PIP5K1A: variants seen among roughly 807,000 people sequenced by gnomAD.
PIP5K1A encodes phosphatidylinositol 4-phosphate 5-kinase type-1 alpha.
In PIP5K1A, 46 loss-of-function variants were observed where a neutral mutation model predicts 72.9. That is an observed-to-expected ratio of 0.63 (90% CI 0.50 to 0.81). PIP5K1A has a LOEUF of 0.81. PIP5K1A is among the 30% of genes least tolerant of loss of function. The probability of loss-of-function intolerance (pLI) is 0.00; values close to 1 mark genes in which losing one functional copy is unlikely to be tolerated. For synonymous variants in PIP5K1A, 228 were observed against 255.1 expected (o/e 0.89, Z 1.01); for missense variants, 458 against 706.1 (o/e 0.65, Z 3.98).
At chr1:151,244,985 G>T (rs1692284715) in intron 14 of PIP5K1A, among the ~76,000 whole-genome samples, 1 of 147,672 alleles carries the variant, frequency 6.8e-6, no homozygotes, top group Non-Finnish European at 1.5e-5. Flanking sequence ...TAACCAGGCT[G>T]GTCTTAAACA....
intron 1 of PIP5K1A, among the ~76,000 whole-genome samples, chr1:151,202,500 C>T (rs754474095): frequency 6.6e-6 from 1 of 152,180 alleles, no homozygotes; most frequent in Non-Finnish European, 1.5e-5. Context: ...TAGGTGGACT[C>T]TTGCTCTTGT....
chr1:151,242,073 A>T, intron 12 of PIP5K1A, 50 bp from the exon 13 acceptor site: 1 of 1,588,378 alleles, frequency 6.3e-7, no homozygotes, highest in Non-Finnish European at 8.6e-7. Flanking sequence ...ATGTCTTGGT[A>T]ATAGTTGCTA....
chr1:151,236,821 C>A (rs138564433), intron 9 of PIP5K1A, 58 bp downstream of exon 9: 159 of 495,940 alleles, frequency 3.2e-4, no homozygotes, highest in Middle Eastern at 6.1e-4. Flanking sequence ...CTTTTCTTTT[C>A]TTTTTTTTTT....
chr1:151,211,042 T>C (rs1248701655), intron 1 of PIP5K1A, among the ~76,000 whole-genome samples: 9 of 152,210 alleles, frequency 5.9e-5, no homozygotes, highest in Non-Finnish European at 1.0e-4. Context: ...TTTCAAACAT[T>C]AGAGTCAGTC....
At chr1:151,207,840 T>C (rs932170438) in intron 1 of PIP5K1A, among the ~76,000 whole-genome samples, 1 of 148,374 alleles carries the variant, frequency 6.7e-6, no homozygotes, top group African/African-American at 2.5e-5. Flanking sequence ...GCCATCAAGA[T>C]TAATCTTAAT....
intron 1 of PIP5K1A, among the ~76,000 whole-genome samples, chr1:151,219,850 C>CGTTTTT (rs1257084814): frequency 4.1e-5 from 4 of 97,870 alleles, no homozygotes; most frequent in African/African-American, 1.5e-4. Context: ...CATATTCTTT[C>CGTTTTT]CTTTTTTTTT....
chr1:151,236,293 G>A (rs1690847255), intron 8 of PIP5K1A, among the ~76,000 whole-genome samples: 1 of 151,612 alleles, frequency 6.6e-6, no homozygotes, highest in African/African-American at 2.4e-5. Flanking sequence ...CAGCTGGGCA[G>A]CATGGTGAAA....
In PIP5K1A at chr1:151,236,628, G is replaced by A. The variant is rs141668904; in HGVS notation, c.1010G>A (p.Arg337Gln). The A allele has an allele frequency of 6.2e-7, 1 of 1,612,958 alleles. No individual in the cohort carries two copies. Among genetic ancestry groups the A allele is most frequent in the Non-Finnish European group, 8.5e-7 (1 of 1,179,298 alleles). Residue 337 changes from arginine to glutamine, a missense_variant, in exon 9 of 16, where the codon CGA becomes CAA. Around this residue, in one of 3 missense-constraint regions of PIP5K1A, gnomAD observed 220 missense variants for 442.6 expected, o/e 0.50. Transcript: ENST00000368888. ...ATCCATAATATAGATCATGCACAAC[G>A]AGAGCCCTTAAGCAGTGAAACACAG... ...MSIHNIDHAQ[R>Q]EPLSSETQYS... is the part of the protein sequence containing the mutation.
At chr1:151,235,451 T>C (rs781775423) in intron 8 of PIP5K1A, among the ~76,000 whole-genome samples, 13 of 152,232 alleles carry the variant, frequency 8.5e-5, no homozygotes, top group Admixed American at 3.9e-4. Context: ...CATATTAAAC[T>C]GTATTGTGTT....
intron 14 of PIP5K1A, among the ~76,000 whole-genome samples, chr1:151,245,643 C>G (rs1008896847): frequency 2.6e-5 from 4 of 152,162 alleles, no homozygotes; most frequent in Admixed American, 1.3e-4. Context: ...TCAAGCGATT[C>G]TCCTACCTCA....
intron 9 of PIP5K1A, 53 bp downstream of exon 9, chr1:151,236,816 CTTTTCTTTTTTTTTTTT>C: frequency 2.0e-6 from 1 of 500,228 alleles, no homozygotes; most frequent in Non-Finnish European, 3.1e-6. Context: ...CAGCACTTTT[CTTTTCTTTTTTTTTTTT>C]TTTTTTTTTT....
intron 12 of PIP5K1A, 133 bp downstream of exon 12, chr1:151,240,172 G>A (rs769531597): frequency 2.0e-5 from 14 of 691,826 alleles, no homozygotes; most frequent in Non-Finnish European, 3.6e-5. Flanking sequence ...CATCCCATGA[G>A]AGCCATTTCT....
At chr1:151,219,147 G>A (rs1454874666) in intron 1 of PIP5K1A, among the ~76,000 whole-genome samples, 1 of 152,128 alleles carries the variant, frequency 6.6e-6, no homozygotes, top group Non-Finnish European at 1.5e-5. Context: ...TTGGAAGGAT[G>A]AGGTGGGCAG....
At chr1:151,232,018 C>A (rs1476029787) in intron 5 of PIP5K1A, among the ~76,000 whole-genome samples, 1 of 152,162 alleles carries the variant, frequency 6.6e-6, no homozygotes, top group Non-Finnish European at 1.5e-5. Context: ...CCGTAAAAAA[C>A]AACCTAATGC....
chr1:151,196,292 G>C (rs1558219155), upstream of PIP5K1A, among the ~76,000 whole-genome samples: 1 of 152,034 alleles, frequency 6.6e-6, no homozygotes, highest in Non-Finnish European at 1.5e-5. Flanking sequence ...TTTATTTATT[G>C]AATACCTATG....
intron 7 of PIP5K1A, 94 bp from the exon 8 acceptor site, chr1:151,234,103 G>A: frequency 1.1e-6 from 1 of 869,606 alleles, no homozygotes; most frequent in Non-Finnish European, 1.8e-6. Context: ...TCATATAGGA[G>A]ATAAAGGGAG....
chr1:151,236,727 A>T lies in PIP5K1A; in HGVS notation c.1109A>T (p.Glu370Val). 1.9e-6 allele frequency: 3 copies of T among 1,610,054 alleles called. No homozygotes were observed. Among genetic ancestry groups the T allele is most frequent in the East Asian group, 2.2e-5 (1 of 44,658 alleles). The change falls in exon 9 of 16, where the codon GAG becomes GTG. Residue 370 changes from glutamate (E) to valine (V), a missense_variant. Physicochemically the swap from Glu to Val is moderately radical, Grantham distance 121. Coordinates refer to ENST00000368888, the MANE Select transcript of PIP5K1A (RefSeq NM_001135638.2). ...ACAGCCATGGAATCCATCCAGGGAG[A>T]GGCTCGACGGGGTGGTACCATGGAG... ...YSTAMESIQG[E>V]ARRGGTMETD...
In PIP5K1A at chr1:151,227,316, C is replaced by G; in HGVS notation, c.157-4C>G. ...TTGTATTATAATCTTGACTCTTCTT[C>G]TAGGTGCCTTATGCCTCTGGCATGC... On this transcript the variant is annotated splice_polypyrimidine_tract_variant and splice_region_variant and intron_variant, in intron 3 of 15. Transcript: ENST00000368888. 1 of 1,597,714 alleles carries G rather than the reference C, an allele frequency of 6.3e-7. No individual in the cohort carries two copies. Among genetic ancestry groups the G allele is most frequent in the East Asian group, 2.2e-5 (1 of 44,798 alleles).
intron 1 of PIP5K1A, among the ~76,000 whole-genome samples, chr1:151,205,881 G>A (rs1685857267): frequency 6.6e-6 from 1 of 152,066 alleles, no homozygotes; most frequent in South Asian, 2.1e-4. Context: ...AAGGACAAAA[G>A]TGTACTTCAA....
Sources: gnomAD v4.1 joint callset for allele counts (sites outside exome capture counted in the v4.1 genomes callset) on GRCh38, gnomAD v4.1.1 for gene constraint, gnomAD v4.1.1 regional missense constraint, MANE v1.5 for transcripts, NCBI Gene and HGNC (gene_info 2026-07-23, HGNC 2026-07-21) for gene names.